Variants in CAMKK2 observed in about 807,000 individuals in gnomAD.
The protein encoded by CAMKK2 is calcium/calmodulin-dependent protein kinase kinase 2.
CAMKK2 carries 30 observed loss-of-function variants against 67.2 expected under a neutral mutation model. The ratio of observed to expected loss-of-function variants is 0.45; its 90% CI spans 0.33 to 0.61. CAMKK2 has a LOEUF of 0.61. Ranked by LOEUF, CAMKK2 falls within the 20% of genes least tolerant of loss-of-function variation. CAMKK2 has a pLI of 0.02. For missense variants in CAMKK2, 643 were observed against 802.0 expected, an observed-to-expected ratio of 0.80 and a Z score of 2.39; for synonymous variants, 322 against 326.2, an observed-to-expected ratio of 0.99 and a Z score of 0.14.
chr12:121,263,717 C>G, intron 6 of CAMKK2, 89 bp downstream of exon 6: 1 of 1,344,404 alleles, frequency 7.4e-7, no homozygotes, highest in South Asian at 1.4e-5. Flanking sequence ...TCTGGTGTGA[C>G]CTGGCTCTCC....
chr12:121,259,051 C>T (rs1892923348), intron 7 of CAMKK2, among the ~76,000 whole-genome samples: 2 of 152,006 alleles, frequency 1.3e-5, no homozygotes, highest in African/African-American at 2.4e-5. Flanking sequence ...CTATGCTGCC[C>T]AGGCTGGTCT....
At chr12:121,259,572 C>T (rs1473087313) in intron 7 of CAMKK2, among the ~76,000 whole-genome samples, 1 of 152,130 alleles carries the variant, frequency 6.6e-6, no homozygotes, top group Non-Finnish European at 1.5e-5. Context: ...CCCCAAACTT[C>T]ATTTATTTGC....
intron 2 of CAMKK2, among the ~76,000 whole-genome samples, chr12:121,271,411 C>T (rs930960250): frequency 6.6e-6 from 1 of 152,094 alleles, no homozygotes; most frequent in Non-Finnish European, 1.5e-5. Context: ...CCCCAGGTGG[C>T]CACTCTCTTG....
At chr12:121,294,752 G>C (rs1438116140) in intron 1 of CAMKK2, among the ~76,000 whole-genome samples, 1 of 152,178 alleles carries the variant, frequency 6.6e-6, no homozygotes, top group Non-Finnish European at 1.5e-5. Flanking sequence ...TCTCTACTAT[G>C]GGGTTAAAAT....
At chr12:121,249,294 C>T (rs2136189939) in intron 13 of CAMKK2, among the ~76,000 whole-genome samples, 1 of 152,306 alleles carries the variant, frequency 6.6e-6, no homozygotes, top group African/African-American at 2.4e-5. Flanking sequence ...CTCTAGATTT[C>T]CTAGAGGGCC....
At chr12:121,287,967 G>C (rs770172161) in intron 1 of CAMKK2, among the ~76,000 whole-genome samples, 1 of 152,164 alleles carries the variant, frequency 6.6e-6, no homozygotes, top group Non-Finnish European at 1.5e-5. Flanking sequence ...GAAAGGCTCT[G>C]TCTCGAAAAT....
chr12:121,271,203 A>G (rs1895682617), intron 2 of CAMKK2, among the ~76,000 whole-genome samples: 1 of 149,932 alleles, frequency 6.7e-6, no homozygotes, highest in Non-Finnish European at 1.5e-5. Context: ...TGAGCCCAGG[A>G]GGTGGAGGTT....
At chr12:121,255,715 G>T in intron 8 of CAMKK2, 68 bp downstream of exon 8, 3 of 1,600,916 alleles carry the variant, frequency 1.9e-6, no homozygotes, top group Non-Finnish European at 2.6e-6. Context: ...GAGCCCAGTG[G>T]CACCTCACTC....
At chr12:121,269,644 C>G in intron 3 of CAMKK2, 63 bp from the exon 4 acceptor site, 3 of 1,296,094 alleles carry the variant, frequency 2.3e-6, no homozygotes, top group East Asian at 2.4e-5. Flanking sequence ...AATGAGAACC[C>G]TAATACAGAC....
At chr12:121,248,957 G>A (rs531314745) in intron 13 of CAMKK2, among the ~76,000 whole-genome samples, 44 of 152,376 alleles carry the variant, frequency 2.9e-4, no homozygotes, top group Non-Finnish European at 5.6e-4. Context: ...GAAGTGGGGC[G>A]ATTCTCCATC....
At chr12:121,244,237 C>A in intron 16 of CAMKK2, 3 of 1,136,474 alleles carry the variant, frequency 2.6e-6, no homozygotes, top group Non-Finnish European at 2.6e-6. Flanking sequence ...CGGGGGGGCA[C>A]CCATGGGCCC....
chr12:121,297,626 C>A, upstream of CAMKK2: 1 of 517,254 alleles, frequency 1.9e-6, no homozygotes, highest in Non-Finnish European at 3.9e-6. Flanking sequence ...CTGGAGGGCT[C>A]CCTGAACCGT....
At chr12:121,264,776 AAATAATAATAAT>A (rs57906202) in intron 5 of CAMKK2, among the ~76,000 whole-genome samples, 53 of 139,964 alleles carry the variant, frequency 3.8e-4, no homozygotes, top group African/African-American at 1.2e-3. Context: ...TCAGTCTCAA[AAATAATAATAAT>A]AATAATAATA....
At chr12:121,276,005 C>A (rs964669109) in intron 1 of CAMKK2, among the ~76,000 whole-genome samples, 1 of 151,688 alleles carries the variant, frequency 6.6e-6, no homozygotes, top group Non-Finnish European at 1.5e-5. Context: ...ACTAAAAATA[C>A]AAAAATTAGC....
chr12:121,297,571 C>T (rs546013916), upstream of CAMKK2: 1 of 515,550 alleles, frequency 1.9e-6, no homozygotes, highest in African/African-American at 1.9e-5. Flanking sequence ...GTTGGATCCC[C>T]CAGCTGGATA....
chr12:121,276,767 T>C (rs1896888938), intron 1 of CAMKK2, among the ~76,000 whole-genome samples: 1 of 151,792 alleles, frequency 6.6e-6, no homozygotes, highest in Admixed American at 6.6e-5. Flanking sequence ...ATGCCTATAA[T>C]CCTAGCTACT....
At chr12:121,250,379 T>C (rs933834807) in intron 11 of CAMKK2, among the ~76,000 whole-genome samples, 1 of 152,176 alleles carries the variant, frequency 6.6e-6, no homozygotes, top group African/African-American at 2.4e-5. Flanking sequence ...ACAACAAGAA[T>C]AACACAAAAG....
rs1555256906 is a variant in CAMKK2, at chr12:121,268,099, T to TAC, written c.625+537_625+538dup. On this transcript the variant is annotated intron_variant, in intron 5 of 16. Coordinates refer to ENST00000404169, the MANE Select transcript of CAMKK2 (RefSeq NM_001270485.2). The stretch of plus-strand genomic sequence containing the variant: ...CATTGGATGCATATATATATATATA[T>TAC]ACTCTATTCATATTACTTTTAATGG... Among the ~76,000 whole-genome samples the TAC allele has an allele frequency of 3.7e-4, 53 of 143,474 alleles. 7 individuals carry two copies. Among genetic ancestry groups the TAC allele is most frequent in the Non-Finnish European group, 2.8e-4 (18 of 64,354 alleles). 94.1% of individuals were successfully genotyped at this position (143,474 alleles called of 152,430 possible).
chr12:121,288,007 A>T (rs1899108929), intron 1 of CAMKK2, among the ~76,000 whole-genome samples: 2 of 152,230 alleles, frequency 1.3e-5, no homozygotes, highest in Non-Finnish European at 2.9e-5. Flanking sequence ...AAATAAAAAT[A>T]AAACCAGGTG....
Sources: gnomAD v4.1 joint callset for allele counts (sites outside exome capture counted in the v4.1 genomes callset) on GRCh38, gnomAD v4.1.1 for gene constraint, MANE v1.5 for transcripts, NCBI Gene and HGNC (gene_info 2026-07-23, HGNC 2026-07-21) for gene names.